Variants in MCOLN3 observed in about 807,000 individuals in gnomAD.
MCOLN3 encodes the protein mucolipin TRP cation channel 3.
MCOLN3 carries 62 observed loss-of-function variants against 69.4 expected under a neutral mutation model. The observed-to-expected ratio is 0.89, with a 90% CI of 0.73 to 1.10. The LOEUF is 1.10. MCOLN3 is among the 50% of genes least tolerant of loss of function. The pLI, the probability that MCOLN3 is intolerant of heterozygous loss-of-function variation, is 0.00. For missense variants in MCOLN3, 564 were observed against 656.4 expected (o/e 0.86, Z 1.54); for synonymous variants, 183 against 217.0 (o/e 0.84, Z 1.38).
intron 7 of MCOLN3, among the ~76,000 whole-genome samples, chr1:85,027,351 C>A (rs1339990179): frequency 1.3e-5 from 2 of 152,246 alleles, no homozygotes; most frequent in Non-Finnish European, 2.9e-5. Flanking sequence ...CCTATTTGAT[C>A]TTCACAGCAA....
intron 7 of MCOLN3, 87 bp downstream of exon 7, chr1:85,029,019 G>A (rs1307652066): frequency 6.1e-6 from 5 of 819,466 alleles, no homozygotes; most frequent in Admixed American, 2.2e-5. Context: ...TCTATTTGTT[G>A]TTCTAGATAT....
Position 85,029,145 on chromosome 1 carries a change from A to G in MCOLN3, c.793T>C (p.Ser265Pro), listed in dbSNP as rs1652376479. 6.2e-7 allele frequency: 1 copy of G among 1,606,248 alleles called. No homozygotes were observed. ...TGCCAGTCTTTACATTCTCTGATGG[A>G]AATGTCATTATCTAAACTTATTTTA... ...RIKISLDNDISIRECKDWHVS... is the reference protein window; with the variant it reads ...RIKISLDNDIPIRECKDWHVS... Residue 265 changes from serine (S) to proline (P), a missense_variant, in exon 7 of 13, where the codon TCC (serine) becomes CCC (proline). Transcript: ENST00000370589.
chr1:85,024,114 G>A (rs568483687), intron 9 of MCOLN3, among the ~76,000 whole-genome samples: 52 of 151,778 alleles, frequency 3.4e-4, no homozygotes, highest in East Asian at 1.6e-3. Flanking sequence ...AGCTATAATC[G>A]CGCCACTGCA....
chr1:85,031,962 GC>G (rs1263931985), intron 6 of MCOLN3, among the ~76,000 whole-genome samples: 1 of 152,106 alleles, frequency 6.6e-6, no homozygotes, highest in African/African-American at 2.4e-5. Flanking sequence ...TGTGGTCCCA[GC>G]TACTCAGGAG....
At position 85,019,060 on chromosome 1, in the gene MCOLN3, T is replaced by G. The variant is rs904980492; in HGVS notation, c.*63A>C. On this transcript the variant is annotated 3_prime_UTR_variant, in exon 13 of 13. Coordinates refer to ENST00000370589, the MANE Select transcript of MCOLN3 (RefSeq NM_018298.11). ...ACATACTACATCTGATCTCAGAATA[T>G]CCACAGTGTTCCAACTCAGCTACAC... 1.0e-5 allele frequency: 15 copies of G among 1,500,752 alleles called. No individual in the cohort carries two copies. The African/African-American group carries it at 1.8e-4, about 18-fold the overall frequency. 93.0% of individuals were successfully genotyped at this position (1,500,752 alleles called of 1,614,324 possible). A position where few individuals can be genotyped will look rare whatever the true frequency, so the allele number is the denominator to read the frequency against.
intron 7 of MCOLN3, among the ~76,000 whole-genome samples, chr1:85,027,331 T>C (rs1652272103): frequency 6.6e-6 from 1 of 152,246 alleles, no homozygotes; most frequent in Non-Finnish European, 1.5e-5. Context: ...AAACACTTTA[T>C]ATGTGTTAAC....
At chr1:85,030,964 C>T (rs1171740872) in intron 6 of MCOLN3, among the ~76,000 whole-genome samples, 2 of 151,916 alleles carry the variant, frequency 1.3e-5, no homozygotes, top group Non-Finnish European at 2.9e-5. Context: ...AATAAGAGTT[C>T]GTTAATAGGT....
rs1302936956 is a variant in MCOLN3 at position 85,034,240 on chromosome 1, T to C, written c.408A>G (p.Leu136=). The change falls in exon 4 of 13, where the codon CTA becomes CTG. Residue 136 remains leucine, a synonymous_variant. Coordinates refer to ENST00000370589, the MANE Select transcript of MCOLN3 (RefSeq NM_018298.11). ...CATGATTCCCAACGGAGACATTGTATAGCTGCAAGTACTTCAACCAAAATG... is the reference window on the plus strand; with the variant it reads ...CATGATTCCCAACGGAGACATTGTACAGCTGCAAGTACTTCAACCAAAATG... ...LIFAVNQYLQ[L]YNVSVGNHAY... is the part of the protein sequence containing the mutation. 1 of 1,614,144 alleles carries C rather than the reference T, an allele frequency of 6.2e-7. No homozygotes were observed. The highest frequency in any genetic ancestry group is 8.5e-7 in the Non-Finnish European group (1 of 1,179,998).
In MCOLN3 at chr1:85,018,834, A is replaced by C. The variant is rs1651787191; in HGVS notation, c.*289T>G. 3.5e-6 allele frequency: 1 copy of C among 288,154 alleles called. No homozygotes were observed. The highest frequency in any genetic ancestry group is 6.5e-6 in the Non-Finnish European group (1 of 154,298). The allele number at this position is 288,154 out of a possible 1,614,324, so 17.8% of individuals were successfully genotyped here. ...ATAGCAGGAGCAACAGTATCAGAGC[A>C]AAAGAGAGGCATACAGAATACATTC... On this transcript the variant is annotated 3_prime_UTR_variant, in exon 13 of 13. Coordinates refer to ENST00000370589, the MANE Select transcript of MCOLN3 (RefSeq NM_018298.11).
chr1:85,041,147 C>G lies in MCOLN3; in HGVS notation c.259G>C (p.Val87Leu). ...LVLFGLSNQM[V>L]VAFKEENTIA... ...GTATTCTCTTCCTTGAAAGCTACCA[C>G]CATCTGGTTACTTAGCCCAAATAAG... Residue 87 changes from valine (V) to leucine (L), a missense_variant, in exon 3 of 13, where the codon GTG becomes CTG. Coordinates refer to ENST00000370589, the MANE Select transcript of MCOLN3 (RefSeq NM_018298.11). 1.2e-6 allele frequency: 2 copies of G among 1,613,776 alleles called. No homozygotes were observed. Among genetic ancestry groups the G allele is most frequent in the South Asian group, 1.1e-5 (1 of 90,988 alleles).
intron 1 of MCOLN3, among the ~76,000 whole-genome samples, chr1:85,046,161 G>A (rs1653339836): frequency 6.6e-6 from 1 of 152,222 alleles, no homozygotes; most frequent in South Asian, 2.1e-4. Context: ...GGGGCAGTAT[G>A]AGCCTCAGGA....
intron 4 of MCOLN3, among the ~76,000 whole-genome samples, chr1:85,033,304 G>C (rs1373412415): frequency 2.6e-5 from 4 of 152,112 alleles, no homozygotes; most frequent in Admixed American, 1.3e-4. Flanking sequence ...AGCACTTGCA[G>C]TAATTACAGT....
intron 3 of MCOLN3, among the ~76,000 whole-genome samples, chr1:85,034,711 T>C (rs1193136047): frequency 6.6e-6 from 1 of 152,218 alleles, no homozygotes; most frequent in Non-Finnish European, 1.5e-5. Context: ...TGGTTTAACC[T>C]TTATCTTTGC....
intron 1 of MCOLN3, chr1:85,047,697 A>C (rs565842936): frequency 1.2e-3 from 188 of 152,414 alleles, no homozygotes; most frequent in African/African-American, 4.4e-3. Flanking sequence ...GTTTTTTCAG[A>C]AGCGCTTTCC....
At chr1:85,032,572 A>T in intron 6 of MCOLN3, 124 bp downstream of exon 6, 2 of 758,644 alleles carry the variant, frequency 2.6e-6, no homozygotes, top group South Asian at 3.1e-5. Flanking sequence ...TGCTTCCCTT[A>T]TGCACATTCA....
At chr1:85,036,224 C>T (rs960431009) in intron 3 of MCOLN3, among the ~76,000 whole-genome samples, 3 of 152,188 alleles carry the variant, frequency 2.0e-5, no homozygotes, top group South Asian at 2.1e-4. Context: ...GGGAGTCTCG[C>T]TCTGTCACCC....
intron 9 of MCOLN3, chr1:85,025,713 G>A (rs1652179560): frequency 2.0e-6 from 1 of 490,098 alleles, no homozygotes; most frequent in South Asian, 2.3e-5. Context: ...CACTTTACCA[G>A]GCACCCAATG....
chr1:85,043,044 A>C (rs1053402334), intron 2 of MCOLN3, among the ~76,000 whole-genome samples: 9 of 152,198 alleles, frequency 5.9e-5, no homozygotes, highest in Admixed American at 1.3e-4. Context: ...TAAACATAGG[A>C]AGGTAGATGA....
intron 3 of MCOLN3, among the ~76,000 whole-genome samples, chr1:85,040,210 A>G (rs978217362): frequency 1.3e-5 from 2 of 152,180 alleles, no homozygotes; most frequent in Non-Finnish European, 2.9e-5. Flanking sequence ...CCCAGTGCTA[A>G]CAGAAAGACT....
Sources: gnomAD v4.1 joint callset for allele counts (sites outside exome capture counted in the v4.1 genomes callset) on GRCh38, gnomAD v4.1.1 for gene constraint, MANE v1.5 for transcripts, NCBI Gene and HGNC (gene_info 2026-07-23, HGNC 2026-07-21) for gene names.